The following RGL1 variants were observed in gnomAD, a reference collection of about 807,000 sequenced individuals.
RGL1 encodes ral guanine nucleotide dissociation stimulator like 1.
A neutral mutation model predicts 95.2 loss-of-function variants in RGL1; 24 were observed. The observed-to-expected ratio is 0.25, with a 90% CI of 0.18 to 0.35. RGL1 has a LOEUF of 0.35. Among genes scored for constraint, RGL1 ranks in the 10% least tolerant of loss-of-function variants. RGL1 has a pLI of 1.00. For missense variants in RGL1, 715 were observed against 936.3 expected, an observed-to-expected ratio of 0.76 and a Z score of 3.08; for synonymous variants, 329 against 344.9, an observed-to-expected ratio of 0.95 and a Z score of 0.51.
intron 1 of RGL1, among the ~76,000 whole-genome samples, chr1:183,662,850 G>T (rs1270182046): frequency 2.6e-5 from 4 of 152,112 alleles, no homozygotes; most frequent in Admixed American, 2.0e-4. Flanking sequence ...CATGGTACTG[G>T]TACCAAAACA....
chr1:183,685,340 A>G (rs1431542707), intron 1 of RGL1, among the ~76,000 whole-genome samples: 1 of 152,196 alleles, frequency 6.6e-6, no homozygotes, highest in East Asian at 1.9e-4. Flanking sequence ...AGGCACCCGC[A>G]TGGGATCTGG....
At chr1:183,694,419 A>AT (rs1214723686) in intron 1 of RGL1, among the ~76,000 whole-genome samples, 18 of 152,154 alleles carry the variant, frequency 1.2e-4, no homozygotes, top group South Asian at 4.2e-4. Context: ...ATTGATGACC[A>AT]TTTTTTCTTT....
chr1:183,769,757 G>T (rs10911432), intron 2 of RGL1, among the ~76,000 whole-genome samples: 66,336 of 152,084 alleles, frequency 0.44, 15,600 homozygotes, highest in East Asian at 0.76. Flanking sequence ...TTTTGGGTAA[G>T]GTCGTTTCCA....
At chr1:183,794,063 C>CACACAA (rs905491066) in intron 2 of RGL1, among the ~76,000 whole-genome samples, 3 of 126,862 alleles carry the variant, frequency 2.4e-5, no homozygotes, top group African/African-American at 9.3e-5. Context: ...TGGACACACA[C>CACACAA]ACACACACAC....
chr1:183,785,715 C>G (rs1051981691), intron 2 of RGL1, among the ~76,000 whole-genome samples: 11 of 152,318 alleles, frequency 7.2e-5, no homozygotes, highest in African/African-American at 2.6e-4. Context: ...GGATAAGACA[C>G]TCATCAAGAA....
chr1:183,710,381 T>C (rs80017080), intron 1 of RGL1: 2,230 of 153,438 alleles, frequency 0.015, 43 homozygotes, highest in East Asian at 0.088. Flanking sequence ...GGAGATCTGG[T>C]CAGGAAAGGC....
chr1:183,883,638 C>A, intron 5 of RGL1, 148 bp from the exon 6 acceptor site: 1 of 742,100 alleles, frequency 1.3e-6, no homozygotes, highest in Non-Finnish European at 2.2e-6. Flanking sequence ...CCATTGTTCT[C>A]AGATGCATTG....
rs776642247 is a variant in RGL1 at position 183,892,170 on chromosome 1, C to T, written c.1140+9C>T. On this transcript the variant is annotated intron_variant, in intron 9 of 17. Coordinates refer to ENST00000360851, the MANE Select transcript of RGL1 (RefSeq NM_001297671.3). Reference sequence around the variant, plus strand: ...GAGAACTACTGATGAAGGTGAGGCTCTTAGTGAGGCTGCTGTGTAGTGCTG... The same window carrying T: ...GAGAACTACTGATGAAGGTGAGGCTTTTAGTGAGGCTGCTGTGTAGTGCTG... 3.8e-6 allele frequency: 6 copies of T among 1,584,814 alleles called. No individual in the cohort carries two copies. Among genetic ancestry groups the T allele is most frequent in the Admixed American group, 3.3e-5 (2 of 59,904 alleles).
intron 3 of RGL1, among the ~76,000 whole-genome samples, chr1:183,851,266 A>G (rs912112444): frequency 6.6e-6 from 1 of 152,144 alleles, no homozygotes. Flanking sequence ...AAATGAATGG[A>G]ATTGACAAGT....
intron 2 of RGL1, among the ~76,000 whole-genome samples, chr1:183,832,721 C>T (rs1350967714): frequency 1.3e-5 from 2 of 152,176 alleles, no homozygotes; most frequent in Non-Finnish European, 2.9e-5. Flanking sequence ...GAATGAGTCA[C>T]TTAGCCTCTC....
intron 1 of RGL1, among the ~76,000 whole-genome samples, chr1:183,676,309 G>T (rs1016372744): frequency 1.3e-5 from 2 of 151,952 alleles, no homozygotes; most frequent in Non-Finnish European, 2.9e-5. Context: ...CTATGTATGT[G>T]CACTGTATCT....
chr1:183,919,607 C>T (rs762307569), intron 16 of RGL1, among the ~76,000 whole-genome samples: 4 of 152,188 alleles, frequency 2.6e-5, no homozygotes, highest in Non-Finnish European at 5.9e-5. Flanking sequence ...ATCCAAGGCC[C>T]TTCCATAGAA....
Position 183,701,503 on chromosome 1 carries a change from C to G in RGL1, c.-32-40623C>G, listed in dbSNP as rs112916734. Among the ~76,000 whole-genome samples, 1,497 of 152,252 alleles carry G rather than the reference C, an allele frequency of 9.8e-3. 25 individuals are homozygous for G. Among genetic ancestry groups the G allele is most frequent in the African/African-American group, 0.034 (1,424 of 41,536 alleles). The stretch of plus-strand genomic sequence containing the variant: ...GAAAGGCTTGAAGTCCTCTCTCAAT[C>G]TTTTGTGCAACCAGTTTTATTAAAT... On this transcript the variant is annotated intron_variant, in intron 1 of 18. Transcript: ENST00000304685.
At position 183,898,419 on chromosome 1, in the gene RGL1, A is replaced by G. The variant is rs957812978; in HGVS notation, c.1230+522A>G. ...CTAACCAAATCTTTATAGTTTTTCA[A>G]TATTTAAAGGAGCATCATGCCTCCC... On this transcript the variant is annotated intron_variant, in intron 10 of 17. Coordinates refer to ENST00000360851, the MANE Select transcript of RGL1 (RefSeq NM_001297671.3). 7.9e-5 allele frequency among the ~76,000 whole-genome samples: 12 copies of G among 152,342 alleles called. No homozygotes were observed. The East Asian group carries it at 1.3e-3, about 17-fold the overall frequency.
intron 3 of RGL1, among the ~76,000 whole-genome samples, chr1:183,855,056 C>T (rs148948889): frequency 1.6e-3 from 249 of 152,268 alleles, no homozygotes; most frequent in African/African-American, 5.8e-3. Context: ...CATTGCTCTA[C>T]CCTCAAAATG....
chr1:183,891,058 G>T (rs1667389365), intron 8 of RGL1, among the ~76,000 whole-genome samples: 1 of 152,060 alleles, frequency 6.6e-6, no homozygotes, highest in African/African-American at 2.4e-5. Flanking sequence ...AGTAGACAAA[G>T]GGAATACCTA....
In RGL1 at chr1:183,724,986, G is replaced by C. The variant is rs959912276; in HGVS notation, c.-32-17140G>C. Among the ~76,000 whole-genome samples the C allele has an allele frequency of 6.3e-5, 9 of 141,856 alleles. No individual in the cohort carries two copies. The highest frequency in any genetic ancestry group is 2.0e-4 in the African/African-American group (8 of 39,642). 93.1% of individuals were successfully genotyped at this position (141,856 alleles called of 152,430 possible). ...CACAACACACACACACACACACGGA[G>C]GGAAGAGGAGGAGGAGGAGAGAGAA... On this transcript the variant is annotated intron_variant, in intron 1 of 18. Coordinates refer to the RGL1 transcript ENST00000304685. The surrounding 1 kb of genome is among the most constrained non-coding windows in gnomAD (Gnocchi z 4.1).
intron 2 of RGL1, among the ~76,000 whole-genome samples, chr1:183,745,909 G>T (rs1572360071): frequency 6.6e-6 from 1 of 151,890 alleles, no homozygotes; most frequent in South Asian, 2.1e-4. Flanking sequence ...TCTTCTTTTT[G>T]ACTTTAAAGG....
At chr1:183,888,418 GT>G in intron 7 of RGL1, 55 bp from the exon 8 acceptor site, 1 of 1,030,030 alleles carries the variant, frequency 9.7e-7, no homozygotes, top group South Asian at 1.3e-5. Context: ...AAACCACCAA[GT>G]CATTGTAATA....
Sources: gnomAD v4.1 joint callset for allele counts (sites outside exome capture counted in the v4.1 genomes callset) on GRCh38, gnomAD v4.1.1 for gene constraint, Gnocchi (gnomAD v3.1) non-coding constraint, MANE v1.5 for transcripts, NCBI Gene and HGNC (gene_info 2026-07-23, HGNC 2026-07-21) for gene names.